Variants in PCCA observed in about 807,000 individuals in gnomAD.
PCCA encodes the protein propionyl-CoA carboxylase alpha chain, mitochondrial.
Under a neutral mutation model 101.3 loss-of-function variants are expected in PCCA, and 74 were observed. That is an observed-to-expected ratio of 0.73 (90% CI 0.61 to 0.89). PCCA has a LOEUF of 0.89. PCCA is among the 40% of genes least tolerant of loss of function. The pLI, the probability that PCCA is intolerant of heterozygous loss-of-function variation, is 0.00. For missense variants in PCCA, 891 were observed against 907.0 expected (o/e 0.98, Z 0.23); for synonymous variants, 294 against 313.6 (o/e 0.94, Z 0.66).
chr13:100,491,777 A>G (rs4772296), intron 21 of PCCA: 341,565 of 1,148,264 alleles, frequency 0.3, 54,775 homozygotes, highest in East Asian at 0.57. Flanking sequence ...GATTTGTAAC[A>G]CTTTTATTTT....
intron 21 of PCCA, among the ~76,000 whole-genome samples, chr13:100,466,798 C>T (rs2082554952): frequency 6.6e-6 from 1 of 152,094 alleles, no homozygotes; most frequent in East Asian, 1.9e-4. Flanking sequence ...GCGGGGGTTG[C>T]AGTGAGCTGA....
chr13:100,388,033 A>G (rs1293507632), intron 19 of PCCA, among the ~76,000 whole-genome samples: 1 of 152,248 alleles, frequency 6.6e-6, no homozygotes, highest in African/African-American at 2.4e-5. Context: ...TTTCTGAAGA[A>G]TTTTATTTAG....
chr13:100,530,158 C>A lies in PCCA; in HGVS notation c.2179C>A (p.Leu727Met). The A allele has an allele frequency of 6.2e-7, 1 of 1,612,948 alleles. No individual in the cohort carries two copies. The highest frequency in any genetic ancestry group is 8.5e-7 in the Non-Finnish European group (1 of 1,178,900). The change falls in exon 24 of 24, where the codon CTG becomes ATG. Residue 727 changes from leucine (L) to methionine (M), a missense_variant. Leu to Met is a conservative substitution (Grantham distance 15). Coordinates refer to ENST00000376285, the MANE Select transcript of PCCA (RefSeq NM_000282.4). ...TVGEGDLLVE[L>M]E is the part of the protein sequence containing the mutation. ...TGGAGAAGGGGATCTGCTCGTGGAG[C>A]TGGAATGAAGGATTTATAACCTTTC...
chr13:100,117,787 A>AC (rs2048944394), intron 4 of PCCA, among the ~76,000 whole-genome samples: 1 of 152,098 alleles, frequency 6.6e-6, no homozygotes, highest in Non-Finnish European at 1.5e-5. Flanking sequence ...TATGTAAAAA[A>AC]AGCAGCATTA....
chr13:100,460,733 G>A (rs1254130024), intron 21 of PCCA, among the ~76,000 whole-genome samples: 1 of 152,144 alleles, frequency 6.6e-6, no homozygotes, highest in Non-Finnish European at 1.5e-5. Context: ...TATGACCCTT[G>A]ATACACCAGC....
chr13:100,464,821 C>T (rs1489439827), intron 21 of PCCA, among the ~76,000 whole-genome samples: 1 of 152,152 alleles, frequency 6.6e-6, no homozygotes, highest in African/African-American at 2.4e-5. Context: ...TTAAACTGTG[C>T]TGCTTAAAAT....
At chr13:100,366,102 G>A (rs1202870205) in intron 18 of PCCA, among the ~76,000 whole-genome samples, 2 of 152,226 alleles carry the variant, frequency 1.3e-5, no homozygotes, top group Non-Finnish European at 2.9e-5. Flanking sequence ...ATGATCATGA[G>A]CAAGATAGTG....
chr13:100,364,068 G>A (rs1411144105), intron 18 of PCCA, among the ~76,000 whole-genome samples: 1 of 152,178 alleles, frequency 6.6e-6, no homozygotes, highest in Admixed American at 6.5e-5. Context: ...GTTTATGTGA[G>A]TTCTTTTTTA....
chr13:100,435,239 G>GA (rs2152906860), intron 20 of PCCA, among the ~76,000 whole-genome samples: 1 of 152,298 alleles, frequency 6.6e-6, no homozygotes, highest in East Asian at 1.9e-4. Context: ...TGGAGGCAAA[G>GA]CAGGAGGAGG....
At chr13:100,183,145 T>A (rs1036683076) in intron 6 of PCCA, among the ~76,000 whole-genome samples, 2 of 152,114 alleles carry the variant, frequency 1.3e-5, no homozygotes, top group African/African-American at 4.8e-5. Flanking sequence ...TGTGGGTGCA[T>A]GCATGCGTGT....
chr13:100,256,153 C>T (rs994686379), intron 8 of PCCA, among the ~76,000 whole-genome samples: 2 of 152,092 alleles, frequency 1.3e-5, no homozygotes, highest in Non-Finnish European at 2.9e-5. Flanking sequence ...ACTACAGACG[C>T]ACACCACCAC....
At chr13:100,449,569 C>G (rs1293404626) in intron 21 of PCCA, among the ~76,000 whole-genome samples, 1 of 152,202 alleles carries the variant, frequency 6.6e-6, no homozygotes, top group Non-Finnish European at 1.5e-5. Flanking sequence ...TCACTGCAAC[C>G]TCTGCCTCCC....
At chr13:100,414,449 CTG>C (rs1024004305) in intron 19 of PCCA, among the ~76,000 whole-genome samples, 2 of 152,120 alleles carry the variant, frequency 1.3e-5, no homozygotes, top group Non-Finnish European at 2.9e-5. Context: ...AGGTTTAAAA[CTG>C]TGTTACAGTT....
At chr13:100,196,149 T>C (rs1162068154) in intron 6 of PCCA, among the ~76,000 whole-genome samples, 2 of 152,152 alleles carry the variant, frequency 1.3e-5, no homozygotes, top group African/African-American at 4.8e-5. Flanking sequence ...TACAAAGATA[T>C]TGAGATTTAT....
chr13:100,473,336 C>T (rs1183108609), intron 21 of PCCA: 1 of 152,144 alleles, frequency 6.6e-6, no homozygotes, highest in Non-Finnish European at 1.5e-5. Flanking sequence ...AGGCACAGAC[C>T]CAAACGATGT....
intron 19 of PCCA, among the ~76,000 whole-genome samples, chr13:100,370,757 C>T (rs774230129): frequency 6.6e-6 from 1 of 152,078 alleles, no homozygotes; most frequent in Non-Finnish European, 1.5e-5. Flanking sequence ...AGTAAAGGCT[C>T]ATTGGTAGAA....
chr13:100,449,701 G>C (rs916089956), intron 21 of PCCA, among the ~76,000 whole-genome samples: 28 of 152,166 alleles, frequency 1.8e-4, no homozygotes, highest in African/African-American at 6.0e-4. Flanking sequence ...TGTTGGCCAG[G>C]CTGGCCTCAA....
At chr13:100,417,031 C>CG (rs1449103112) in intron 19 of PCCA, among the ~76,000 whole-genome samples, 2 of 151,998 alleles carry the variant, frequency 1.3e-5, no homozygotes, top group Non-Finnish European at 2.9e-5. Flanking sequence ...TTAGTAGAGA[C>CG]GGGGTTTCTC....
intron 19 of PCCA, among the ~76,000 whole-genome samples, chr13:100,399,846 A>C (rs992469039): frequency 6.6e-6 from 1 of 152,184 alleles, no homozygotes; most frequent in Non-Finnish European, 1.5e-5. Flanking sequence ...TTTTACAGCT[A>C]TCTGCTCTGT....
Sources: gnomAD v4.1 joint callset for allele counts (sites outside exome capture counted in the v4.1 genomes callset) on GRCh38, gnomAD v4.1.1 for gene constraint, MANE v1.5 for transcripts, NCBI Gene and HGNC (gene_info 2026-07-23, HGNC 2026-07-21) for gene names.